PCDHA8: variants seen among roughly 807,000 people sequenced by gnomAD.
The protein encoded by PCDHA8 is protocadherin alpha 8, also known as protocadherin alpha-8.
Under a neutral mutation model 61.8 loss-of-function variants are expected in PCDHA8, and 53 were observed. The observed-to-expected ratio is 0.86, with a 90% confidence interval of 0.69 to 1.08. The LOEUF is 1.08. PCDHA8 is among the 50% of genes least tolerant of loss of function. PCDHA8 has a pLI of 0.00. For missense variants in PCDHA8, 1,293 were observed against 1,245.0 expected, an observed-to-expected ratio of 1.04 and a Z score of -0.58; for synonymous variants, 618 against 556.6, an observed-to-expected ratio of 1.11 and a Z score of -1.55.
At chr5:140,855,521 G>A (rs1349311147) in intron 1 of PCDHA8, among the ~76,000 whole-genome samples, 1 of 149,904 alleles carries the variant, frequency 6.7e-6, no homozygotes, top group Admixed American at 6.7e-5. Context: ...AAAATAATGA[G>A]AAAGAGAAGT....
chr5:140,913,569 A>G (rs1554195984), intron 1 of PCDHA8, among the ~76,000 whole-genome samples: 1 of 151,952 alleles, frequency 6.6e-6, no homozygotes, highest in Non-Finnish European at 1.5e-5. Flanking sequence ...TATTTTCATC[A>G]TTTCAAATAT....
At chr5:140,844,441 GTTGTA>G (rs1554140652) in intron 1 of PCDHA8, among the ~76,000 whole-genome samples, 1 of 149,004 alleles carries the variant, frequency 6.7e-6, no homozygotes, top group East Asian at 1.9e-4. Flanking sequence ...GATTTTTACA[GTTGTA>G]TTGTCGCCAA....
intron 3 of PCDHA8, among the ~76,000 whole-genome samples, chr5:140,993,190 CTCACTAAAGCTAATTTTTT>C (rs2097544277): frequency 6.6e-6 from 1 of 152,022 alleles, no homozygotes; most frequent in Non-Finnish European, 1.5e-5. Flanking sequence ...TAGAGGGAAA[CTCACTAAAGCTAATTTTTT>C]TAGCTTTTTG....
intron 1 of PCDHA8, among the ~76,000 whole-genome samples, chr5:140,939,737 G>GTA (rs1554212873): frequency 6.6e-6 from 1 of 152,160 alleles, no homozygotes; most frequent in Non-Finnish European, 1.5e-5. Flanking sequence ...GTGTAGCTGT[G>GTA]TATCATTCAT....
At chr5:140,927,359 A>G in intron 1 of PCDHA8, 2 of 1,613,980 alleles carry the variant, frequency 1.2e-6, no homozygotes, top group Middle Eastern at 1.6e-4. Flanking sequence ...GAGGGAAGCA[A>G]TGGGATACTA....
At chr5:140,905,035 G>C (rs1554191907) in intron 1 of PCDHA8, among the ~76,000 whole-genome samples, 1 of 152,136 alleles carries the variant, frequency 6.6e-6, no homozygotes. Flanking sequence ...AAGCTTTTTA[G>C]TTTAATTAGG....
At chr5:140,925,959 T>A (rs1424415985) in intron 1 of PCDHA8, among the ~76,000 whole-genome samples, 5 of 151,912 alleles carry the variant, frequency 3.3e-5, no homozygotes, top group African/African-American at 4.8e-5. Flanking sequence ...GAAACTGCTA[T>A]CACGCAAAAA....
chr5:140,851,940 G>A (rs1431345124), intron 1 of PCDHA8: 2 of 966,626 alleles, frequency 2.1e-6, no homozygotes, highest in Non-Finnish European at 2.5e-6. Flanking sequence ...ATTGTAGTAT[G>A]TGACTTTCAA....
At chr5:141,009,345 G>C (rs1409011729) in intron 3 of PCDHA8, among the ~76,000 whole-genome samples, 1 of 152,164 alleles carries the variant, frequency 6.6e-6, no homozygotes, top group African/African-American at 2.4e-5. Context: ...TGTAGTTCCA[G>C]CTACTTGGGA....
chr5:140,861,804 T>C (rs36095340), intron 1 of PCDHA8: 19,400 of 158,354 alleles, frequency 0.12, 1,289 homozygotes, highest in Middle Eastern at 0.19. Flanking sequence ...AGGTGTATTT[T>C]AAAAATTCTT....
intron 1 of PCDHA8, among the ~76,000 whole-genome samples, chr5:140,931,665 T>C (rs2087667345): frequency 6.6e-6 from 1 of 151,998 alleles, no homozygotes. Flanking sequence ...GGCTGGATAT[T>C]TCCTTATAAA....
chr5:140,966,665 G>A, intron 1 of PCDHA8: 1 of 1,258,258 alleles, frequency 7.9e-7, no homozygotes. Flanking sequence ...GGGGGAGCAG[G>A]CGCAGGGTGG....
intron 3 of PCDHA8, among the ~76,000 whole-genome samples, chr5:140,985,103 A>G (rs1342526252): frequency 6.6e-6 from 1 of 151,694 alleles, no homozygotes; most frequent in African/African-American, 2.4e-5. Context: ...AAGCCTGGCT[A>G]ATTTTTTGTG....
chr5:141,006,067 A>G (rs1202024176), intron 3 of PCDHA8, among the ~76,000 whole-genome samples: 4 of 151,950 alleles, frequency 2.6e-5, no homozygotes, highest in Admixed American at 6.6e-5. Flanking sequence ...AGAAATAAAA[A>G]TCAGATTATT....
intron 1 of PCDHA8, chr5:140,869,015 A>G (rs2050795044): frequency 6.6e-7 from 1 of 1,524,382 alleles, no homozygotes; most frequent in Non-Finnish European, 8.8e-7. Flanking sequence ...GAAACTTCTT[A>G]AGAATTCAAC....
intron 1 of PCDHA8, chr5:140,869,195 T>A (rs1554162619): frequency 6.2e-7 from 1 of 1,613,916 alleles, no homozygotes; most frequent in East Asian, 2.2e-5. Flanking sequence ...AGCGGCCAGC[T>A]CCACTACTCC....
chr5:140,898,407 C>T (rs556061781), intron 1 of PCDHA8, among the ~76,000 whole-genome samples: 90 of 152,094 alleles, frequency 5.9e-4, no homozygotes, highest in Middle Eastern at 3.4e-3. Flanking sequence ...TTTCTACATA[C>T]GGCTAGCCAG....
intron 1 of PCDHA8, chr5:140,869,562 A>G (rs373044645): frequency 8.1e-6 from 13 of 1,614,050 alleles, no homozygotes; most frequent in South Asian, 2.2e-5. Context: ...CGCGTTTTCC[A>G]CTAGAGGGAG....
At chr5:140,958,998 C>T (rs868985322) in intron 1 of PCDHA8, among the ~76,000 whole-genome samples, 5 of 151,906 alleles carry the variant, frequency 3.3e-5, no homozygotes, top group South Asian at 2.1e-4. Flanking sequence ...TAATCTTTTA[C>T]TGTACCTAAT....
Sources: allele counts gnomAD v4.1 joint callset (sites outside exome capture counted in the v4.1 genomes callset), GRCh38; gene constraint gnomAD v4.1.1; transcripts MANE v1.5; gene names NCBI Gene and HGNC (gene_info 2026-07-23, HGNC 2026-07-21).